The following DYNC2LI1 variants were observed in gnomAD, a reference collection of about 807,000 sequenced individuals.
DYNC2LI1 encodes cytoplasmic dynein 2 light intermediate chain 1.
A neutral mutation model predicts 51.9 loss-of-function variants in DYNC2LI1; 45 were observed. The observed-to-expected ratio is 0.87, with a 90% confidence interval of 0.68 to 1.11. The LOEUF (loss-of-function observed/expected upper bound fraction) is 1.11, where lower values mean the gene tolerates loss of function less well. Among genes scored for constraint, DYNC2LI1 ranks in the 50% most tolerant of loss-of-function variants. DYNC2LI1 has a pLI of 0.00. For synonymous variants in DYNC2LI1, 130 were observed against 137.8 expected (o/e 0.94, Z 0.40); for missense variants, 490 against 417.4 (o/e 1.17, Z -1.51).
At chr2:43,822,485 C>CGCCG in the DYNC2LI1 span, 3 of 925,838 alleles carry the variant, frequency 3.2e-6, no homozygotes, top group African/African-American at 5.4e-5. Context: ...CAGGCCCCCC[C>CGCCG]CCATGCACCT....
At position 43,801,635 on chromosome 2, in the gene DYNC2LI1, G is replaced by T. The variant is rs371510361; in HGVS notation, c.732-4G>T. On this transcript the variant is annotated splice_polypyrimidine_tract_variant and splice_region_variant and intron_variant, in intron 9 of 12. Transcript: ENST00000260605. ...AATTTAGAATCTTTCTCTTCTCCAC[G>T]TAGCAAATCAATATGTGTGGATCAG... 1.2e-6 allele frequency: 2 copies of T among 1,604,036 alleles called. No homozygotes were observed. The highest frequency in any genetic ancestry group is 2.2e-5 in the East Asian group (1 of 44,628).
the DYNC2LI1 span, chr2:43,824,017 A>G: frequency 6.2e-7 from 1 of 1,614,204 alleles, no homozygotes; most frequent in South Asian, 1.1e-5. Context: ...ATTGCTTCGG[A>G]CCCGCAGAAC....
At chr2:43,799,136 C>G (rs945828982) in intron 8 of DYNC2LI1, among the ~76,000 whole-genome samples, 3 of 152,024 alleles carry the variant, frequency 2.0e-5, no homozygotes, top group African/African-American at 7.2e-5. Context: ...CTTGTCTTGA[C>G]AAAAAATTTT....
intron 3 of DYNC2LI1, among the ~76,000 whole-genome samples, chr2:43,786,818 T>A (rs1298683642): frequency 1.3e-5 from 2 of 151,936 alleles, no homozygotes; most frequent in East Asian, 3.9e-4. Context: ...AAAGCAAGAC[T>A]CCATCTCAAA....
the DYNC2LI1 span, chr2:43,820,085 A>T: frequency 1.9e-6 from 3 of 1,613,956 alleles, no homozygotes; most frequent in African/African-American, 4.0e-5. Flanking sequence ...CAACCTCAGG[A>T]TGTAAGCCCA....
chr2:43,783,140 C>T (rs897379723), intron 2 of DYNC2LI1, among the ~76,000 whole-genome samples: 1 of 152,144 alleles, frequency 6.6e-6, no homozygotes, highest in African/African-American at 2.4e-5. Context: ...TTTATTTCCA[C>T]TTCAACAATT....
At chr2:43,809,126 C>T (rs942512308) in intron 12 of DYNC2LI1, among the ~76,000 whole-genome samples, 1 of 151,976 alleles carries the variant, frequency 6.6e-6, no homozygotes, top group African/African-American at 2.4e-5. Context: ...GTAGCTGGGA[C>T]CACAGCGCAC....
chr2:43,781,760 G>T (rs562562487), intron 2 of DYNC2LI1: 3 of 151,900 alleles, frequency 2.0e-5, no homozygotes, highest in African/African-American at 4.8e-5. Context: ...CCACGACCAC[G>T]CCTGGTAATT....
At chr2:43,785,119 G>T (rs1673467011) in intron 3 of DYNC2LI1, among the ~76,000 whole-genome samples, 3 of 151,972 alleles carry the variant, frequency 2.0e-5, no homozygotes, top group African/African-American at 7.3e-5. Context: ...CCAACATAGT[G>T]AGAACTCGTC....
chr2:43,792,570 A>C (rs1159651719), intron 5 of DYNC2LI1: 10 of 1,160,772 alleles, frequency 8.6e-6, no homozygotes, highest in African/African-American at 1.6e-5. Context: ...GCAGTTCAGT[A>C]ACATCAAGTA....
chr2:43,826,773 C>T, the DYNC2LI1 span, among the ~76,000 whole-genome samples: 1 of 152,184 alleles, frequency 6.6e-6, no homozygotes, highest in Non-Finnish European at 1.5e-5. Flanking sequence ...GAGATCAGGC[C>T]TCTTACGGGC....
intron 2 of DYNC2LI1, among the ~76,000 whole-genome samples, chr2:43,780,292 G>A: frequency 6.6e-6 from 1 of 152,172 alleles, no homozygotes. Context: ...TGAGGGAAAA[G>A]GCCTCCATTG....
chr2:43,793,654 T>A (rs1673898079), intron 5 of DYNC2LI1: 1 of 151,814 alleles, frequency 6.6e-6, no homozygotes. Flanking sequence ...TTGCCCAGGC[T>A]GGTCTTGAAC....
downstream of DYNC2LI1, chr2:43,812,373 A>G (rs960321489): frequency 7.0e-6 from 1 of 141,876 alleles, no homozygotes; most frequent in Non-Finnish European, 1.5e-5. Flanking sequence ...GTTTTAGGGT[A>G]CATGTGCACA....
At chr2:43,775,993 C>T (rs757938584) in intron 1 of DYNC2LI1, among the ~76,000 whole-genome samples, 2 of 151,226 alleles carry the variant, frequency 1.3e-5, no homozygotes, top group Non-Finnish European at 2.9e-5. Context: ...GTGTGAACCA[C>T]CACTCCCAGC....
chr2:43,795,385 T>A (rs1355323469), intron 6 of DYNC2LI1, among the ~76,000 whole-genome samples: 1 of 152,078 alleles, frequency 6.6e-6, no homozygotes, highest in Admixed American at 6.6e-5. Context: ...ATGCCTGTAG[T>A]CCCAGCTACT....
downstream of DYNC2LI1, among the ~76,000 whole-genome samples, chr2:43,813,708 CGTT>C (rs1440698959): frequency 3.4e-4 from 12 of 35,368 alleles, no homozygotes; most frequent in African/African-American, 1.1e-3. Flanking sequence ...TTTTTTTTTT[CGTT>C]TTTTTTTTTT....
Position 43,776,825 on chromosome 2 carries a change from G to T in DYNC2LI1, c.52G>T (p.Gly18Ter). The change falls in exon 2 of 13, where the codon GGA (glycine) becomes TGA (stop). Residue 18 changes from glycine to a stop codon, truncating the protein, a stop_gained. Coordinates refer to ENST00000260605, the MANE Select transcript of DYNC2LI1 (RefSeq NM_016008.4). LOFTEE classifies it high-confidence loss of function. ...EIAKAEVEKR[G>*]INGSEGDGAE... ...TGCAAAAGCTGAAGTGGAAAAAAGGGGAATTAATGGAAGTGAAGGTGATGG... is the reference window on the plus strand; with the variant it reads ...TGCAAAAGCTGAAGTGGAAAAAAGGTGAATTAATGGAAGTGAAGGTGATGG... 3 of 1,599,082 alleles carry T rather than the reference G, an allele frequency of 1.9e-6. No individual in the cohort carries two copies. Among genetic ancestry groups the T allele is most frequent in the Non-Finnish European group, 2.6e-6 (3 of 1,172,930 alleles).
chr2:43,790,390 A>G (rs977896995), intron 5 of DYNC2LI1, among the ~76,000 whole-genome samples: 4 of 152,224 alleles, frequency 2.6e-5, no homozygotes, highest in African/African-American at 9.7e-5. Flanking sequence ...AGAGTTTAAC[A>G]TAAACCATTG....
Sources: gnomAD v4.1 joint callset for allele counts (sites outside exome capture counted in the v4.1 genomes callset) on GRCh38, gnomAD v4.1.1 for gene constraint, MANE v1.5 for transcripts, NCBI Gene and HGNC (gene_info 2026-07-23, HGNC 2026-07-21) for gene names.